TLE4: variants seen among roughly 807,000 people sequenced by gnomAD.
The protein encoded by TLE4 is transducin-like enhancer protein 4.
Under a neutral mutation model 92.8 loss-of-function variants are expected in TLE4, and 8 were observed. That is an observed-to-expected ratio of 0.09 (90% CI 0.05 to 0.16). TLE4 has a LOEUF of 0.16. Among genes scored for constraint, TLE4 ranks in the 10% least tolerant of loss-of-function variants. The pLI is 1.00. For missense variants in TLE4, 675 were observed against 997.6 expected, an observed-to-expected ratio of 0.68 and a Z score of 4.36; for synonymous variants, 371 against 374.1, an observed-to-expected ratio of 0.99 and a Z score of 0.10.
chr9:79,619,392 T>C (rs1394754659), intron 5 of TLE4, among the ~76,000 whole-genome samples: 1 of 152,206 alleles, frequency 6.6e-6, no homozygotes, highest in Admixed American at 6.5e-5. Context: ...AATTGTGAAA[T>C]GAAAGTTGAA....
At chr9:79,717,809 A>T (rs2074838777) in intron 14 of TLE4, among the ~76,000 whole-genome samples, 1 of 152,132 alleles carries the variant, frequency 6.6e-6, no homozygotes, top group Non-Finnish European at 1.5e-5. Flanking sequence ...CATCTTTTCC[A>T]AAATGGGCTG....
chr9:79,582,555 TATAAG>T (rs2039950667), intron 4 of TLE4, among the ~76,000 whole-genome samples: 1 of 152,126 alleles, frequency 6.6e-6, no homozygotes, highest in Non-Finnish European at 1.5e-5. Flanking sequence ...TTTCTTGTGT[TATAAG>T]ATAGGTAGAG....
intron 8 of TLE4, among the ~76,000 whole-genome samples, chr9:79,692,837 T>C (rs972422430): frequency 1.3e-5 from 2 of 152,176 alleles, no homozygotes; most frequent in African/African-American, 2.4e-5. Flanking sequence ...AGCCTCCAAA[T>C]ACCATCACCT....
chr9:79,650,781 C>T (rs1235348459), intron 6 of TLE4, among the ~76,000 whole-genome samples: 2 of 151,986 alleles, frequency 1.3e-5, no homozygotes, highest in Admixed American at 6.6e-5. Context: ...TGCTTGTAAA[C>T]TTGCTTTTCA....
chr9:79,700,278 A>G (rs1262533479), intron 8 of TLE4, among the ~76,000 whole-genome samples: 1 of 152,222 alleles, frequency 6.6e-6, no homozygotes, highest in African/African-American at 2.4e-5. Context: ...CTCCAGAGAG[A>G]TGCTCTTGCC....
In TLE4 at chr9:79,573,777, A is replaced by C; in HGVS notation, c.134A>C (p.Gln45Pro). ...IKEEFQFLQAQYHSLKLECEK... is the reference protein window; with the variant it reads ...IKEEFQFLQAPYHSLKLECEK... ...GAAGAGTTTCAGTTTTTACAGGCTC[A>C]ATACCACAGGTAACGATATTGACTT... Residue 45 changes from glutamine to proline, a missense_variant, in exon 2 of 20, where the codon CAA becomes CCA. Coordinates refer to ENST00000376552, the MANE Select transcript of TLE4 (RefSeq NM_007005.6). 1 of 1,594,484 alleles carries C rather than the reference A, an allele frequency of 6.3e-7. No homozygotes were observed. The highest frequency in any genetic ancestry group is 8.6e-7 in the Non-Finnish European group (1 of 1,165,694).
chr9:79,673,302 C>G (rs545364568), intron 8 of TLE4, among the ~76,000 whole-genome samples: 1 of 152,128 alleles, frequency 6.6e-6, no homozygotes, highest in African/African-American at 2.4e-5. Flanking sequence ...CTGATTATAA[C>G]AAATATTATA....
At chr9:79,648,891 G>C (rs1331606166) in intron 6 of TLE4, among the ~76,000 whole-genome samples, 1 of 152,118 alleles carries the variant, frequency 6.6e-6, no homozygotes, top group Non-Finnish European at 1.5e-5. Flanking sequence ...GACAATTGTG[G>C]GTCAAAGGTG....
chr9:79,657,453 C>T lies in TLE4; in HGVS notation c.609+3378C>T, dbSNP rs556339184. Among the ~76,000 whole-genome samples the T allele has an allele frequency of 2.0e-5, 3 of 152,102 alleles. No homozygotes were observed. In the South Asian group the frequency reaches 6.2e-4, roughly 32 times the overall value. On this transcript the variant is annotated intron_variant, in intron 8 of 19. Transcript: ENST00000376552. ...GGTGATGGAATCTTCCATTGCCCAC[C>T]CCCTCTCATTGAGGGCTGAGGGGTA...
chr9:79,614,425 A>G (rs541915021), intron 5 of TLE4, among the ~76,000 whole-genome samples: 5 of 152,096 alleles, frequency 3.3e-5, no homozygotes, highest in Admixed American at 6.6e-5. Flanking sequence ...GTTTTCCCAC[A>G]TGAATTATGT....
chr9:79,721,625 C>A, intron 16 of TLE4, 116 bp from the exon 17 acceptor site: 2 of 1,475,358 alleles, frequency 1.4e-6, no homozygotes, highest in Non-Finnish European at 1.8e-6. Context: ...CATAATAAAC[C>A]AAAATGAAAT....
intron 13 of TLE4, among the ~76,000 whole-genome samples, chr9:79,709,375 C>G (rs1045201717): frequency 6.6e-6 from 1 of 152,114 alleles, no homozygotes; most frequent in Non-Finnish European, 1.5e-5. Flanking sequence ...TGTAATGACT[C>G]TTTGGTTCTA....
intron 6 of TLE4, among the ~76,000 whole-genome samples, chr9:79,637,077 G>C (rs1348267764): frequency 6.9e-5 from 7 of 101,518 alleles, no homozygotes; most frequent in African/African-American, 4.8e-4. Flanking sequence ...TCTGTAGAAT[G>C]CAAGGCTGGA....
chr9:79,658,162 C>T (rs2060022150), intron 8 of TLE4, among the ~76,000 whole-genome samples: 1 of 152,148 alleles, frequency 6.6e-6, no homozygotes, highest in South Asian at 2.1e-4. Context: ...GTGACTTGTG[C>T]AGTGCCAAAT....
chr9:79,690,533 A>G (rs1484771705), intron 8 of TLE4, among the ~76,000 whole-genome samples: 1 of 151,998 alleles, frequency 6.6e-6, no homozygotes, highest in Non-Finnish European at 1.5e-5. Context: ...AACCTGGAGG[A>G]TACTGTTCAC....
chr9:79,659,023 A>G (rs1184016143), intron 8 of TLE4, among the ~76,000 whole-genome samples: 1 of 152,144 alleles, frequency 6.6e-6, no homozygotes, highest in Non-Finnish European at 1.5e-5. Flanking sequence ...ACTCAGTCCT[A>G]CTGATCTCCT....
chr9:79,720,300 T>A lies in TLE4; in HGVS notation c.1838+7T>A. 6.2e-7 allele frequency: 1 copy of A among 1,605,160 alleles called. No homozygotes were observed. Among genetic ancestry groups the A allele is most frequent in the Non-Finnish European group, 8.5e-7 (1 of 1,173,662 alleles). ...ACAACCAGACCTTGGTGAGGTAGGT[T>A]AGCAGGATCTGTTACCAGGTTGTGA... On this transcript the variant is annotated splice_region_variant and intron_variant, in intron 16 of 19. Transcript: ENST00000376552.
chr9:79,694,961 T>C (rs954603853), intron 8 of TLE4, among the ~76,000 whole-genome samples: 1 of 152,190 alleles, frequency 6.6e-6, no homozygotes, highest in Non-Finnish European at 1.5e-5. Flanking sequence ...ATCCTGTCTT[T>C]TCAGTGGTCA....
At chr9:79,700,270 C>T (rs1188272255) in intron 8 of TLE4, among the ~76,000 whole-genome samples, 4 of 152,224 alleles carry the variant, frequency 2.6e-5, no homozygotes, top group African/African-American at 9.6e-5. Context: ...CAGTCTGACT[C>T]CAGAGAGATG....
Sources: allele counts gnomAD v4.1 joint callset (sites outside exome capture counted in the v4.1 genomes callset), GRCh38; gene constraint gnomAD v4.1.1; transcripts MANE v1.5; gene names NCBI Gene and HGNC (gene_info 2026-07-23, HGNC 2026-07-21).